The following SHROOM3 variants were observed in gnomAD, a reference collection of about 807,000 sequenced individuals.
SHROOM3 encodes the protein shroom family member 3, also known as protein Shroom3.
Under a neutral mutation model 138.6 loss-of-function variants are expected in SHROOM3, and 47 were observed. The ratio of observed to expected loss-of-function variants is 0.34; its 90% CI spans 0.27 to 0.43. The LOEUF is 0.43. Ranked by LOEUF, SHROOM3 falls within the 20% of genes least tolerant of loss-of-function variation. The pLI is 1.00. For synonymous variants in SHROOM3, 1,062 were observed against 1,063.3 expected (o/e 1.00, Z 0.02); for missense variants, 2,491 against 2,596.5 (o/e 0.96, Z 0.88).
At chr4:76,724,049 G>C (rs1029193811) in intron 3 of SHROOM3, among the ~76,000 whole-genome samples, 1 of 152,180 alleles carries the variant, frequency 6.6e-6, no homozygotes, top group African/African-American at 2.4e-5. Context: ...AGATTTCTCA[G>C]AAACTTGTTT....
intron 8 of SHROOM3, 23 bp from the exon 9 acceptor site, chr4:76,759,522 A>G: frequency 6.2e-7 from 1 of 1,613,846 alleles, no homozygotes; most frequent in South Asian, 1.1e-5. Flanking sequence ...GTGTGGCTAT[A>G]CTTTGTGCTC....
At chr4:76,570,056 T>C (rs1733804651) in intron 2 of SHROOM3, among the ~76,000 whole-genome samples, 1 of 152,112 alleles carries the variant, frequency 6.6e-6, no homozygotes, top group African/African-American at 2.4e-5. Context: ...AGTTCAAAAT[T>C]CAAATTTTCT....
At chr4:76,452,484 C>T (rs1443580831) in intron 1 of SHROOM3, among the ~76,000 whole-genome samples, 1 of 152,200 alleles carries the variant, frequency 6.6e-6, no homozygotes, top group Non-Finnish European at 1.5e-5. Flanking sequence ...TGGAATCATA[C>T]AATATTTGTT....
intron 2 of SHROOM3, among the ~76,000 whole-genome samples, chr4:76,682,285 AACAC>A (rs1009405065): frequency 1.3e-5 from 2 of 152,154 alleles, no homozygotes; most frequent in Non-Finnish European, 2.9e-5. Flanking sequence ...CTTGGCCCCA[AACAC>A]ACACACTCAA....
intron 2 of SHROOM3, among the ~76,000 whole-genome samples, chr4:76,670,693 C>T (rs1176214354): frequency 1.3e-5 from 2 of 152,170 alleles, no homozygotes. Context: ...GTGGCACATG[C>T]CTGTAATCCT....
chr4:76,717,411 T>A (rs1295016967), intron 3 of SHROOM3, among the ~76,000 whole-genome samples: 3 of 152,230 alleles, frequency 2.0e-5, no homozygotes, highest in Non-Finnish European at 4.4e-5. Flanking sequence ...TCTCAGTCAT[T>A]ATTGTTTCAA....
chr4:76,608,658 TAGCATAGCACAGCATAGCAC>T (rs879610832), intron 2 of SHROOM3, among the ~76,000 whole-genome samples: 8,290 of 38,788 alleles, frequency 0.21, 656 homozygotes, highest in Non-Finnish European at 0.36. Context: ...TAGCATAGCA[TAGCATAGCACAGCATAGCAC>T]AGCACAGCAC....
chr4:76,756,832 T>C lies in SHROOM3; in HGVS notation c.5093T>C (p.Leu1698Pro). 6.2e-7 allele frequency: 1 copy of C among 1,614,098 alleles called. No individual in the cohort carries two copies. The highest frequency in any genetic ancestry group is 8.5e-7 in the Non-Finnish European group (1 of 1,180,024). Residue 1698 changes from leucine (L) to proline (P), a missense_variant, in exon 8 of 11, where the codon CTG becomes CCG. Coordinates refer to ENST00000296043, the MANE Select transcript of SHROOM3 (RefSeq NM_020859.4). Reference protein sequence around the residue: ...PDSRLKTTMDLMEGLFPRDVN... With the variant: ...PDSRLKTTMDPMEGLFPRDVN... ...TCCAGGCTGAAGACAACAATGGACCTGATGGAAGGTTTGTTTCCCCGAGAT... is the reference window on the plus strand; with the variant it reads ...TCCAGGCTGAAGACAACAATGGACCCGATGGAAGGTTTGTTTCCCCGAGAT...
At chr4:76,689,529 CGGCGCGGT>C (rs1219021161) in intron 2 of SHROOM3, 18 of 983,840 alleles carry the variant, frequency 1.8e-5, no homozygotes, top group Admixed American at 6.2e-5. Context: ...GCTGTAGCCG[CGGCGCGGT>C]GGCGCGGTGG....
intron 2 of SHROOM3, among the ~76,000 whole-genome samples, chr4:76,580,449 T>C (rs932946088): frequency 1.5e-5 from 2 of 129,150 alleles, no homozygotes; most frequent in Middle Eastern, 3.7e-3. Flanking sequence ...GCAAGTTCTT[T>C]TTTTTTTTTT....
intron 3 of SHROOM3, among the ~76,000 whole-genome samples, chr4:76,722,325 G>C (rs960604333): frequency 6.6e-6 from 1 of 152,164 alleles, no homozygotes; most frequent in African/African-American, 2.4e-5. Context: ...ATACTATGCA[G>C]CCGTAAAAAA....
intron 2 of SHROOM3, among the ~76,000 whole-genome samples, chr4:76,583,608 T>C (rs1734092307): frequency 6.6e-6 from 1 of 152,216 alleles, no homozygotes; most frequent in Non-Finnish European, 1.5e-5. Context: ...GTTCAGAACA[T>C]GGGCTCTGTG....
intron 3 of SHROOM3, among the ~76,000 whole-genome samples, chr4:76,714,834 C>T (rs344121): frequency 1 from 152,206 of 152,334 alleles, 76,041 homozygotes; most frequent in Middle Eastern, 1. Context: ...AAGGACTCTT[C>T]CATATTTATT....
intron 1 of SHROOM3, among the ~76,000 whole-genome samples, chr4:76,464,158 C>T (rs1241035120): frequency 6.6e-6 from 1 of 152,210 alleles, no homozygotes; most frequent in East Asian, 1.9e-4. Flanking sequence ...CTGTGGGGGC[C>T]ATAACCTGCA....
chr4:76,567,804 C>T (rs1416151584), intron 2 of SHROOM3, among the ~76,000 whole-genome samples: 1 of 152,098 alleles, frequency 6.6e-6, no homozygotes, highest in Non-Finnish European at 1.5e-5. Flanking sequence ...TCTCAGGACA[C>T]ATTTTGTATG....
intron 2 of SHROOM3, among the ~76,000 whole-genome samples, chr4:76,566,928 C>T (rs569168389): frequency 1.9e-4 from 29 of 152,236 alleles, no homozygotes; most frequent in East Asian, 3.8e-4. Flanking sequence ...CTAAGACTAG[C>T]GTCTTTGTGC....
intron 2 of SHROOM3, among the ~76,000 whole-genome samples, chr4:76,593,253 G>A (rs1337514541): frequency 1.3e-5 from 2 of 152,176 alleles, no homozygotes; most frequent in East Asian, 3.9e-4. Context: ...AGGAGAGGCT[G>A]ATTAATCAAT....
chr4:76,737,556 A>G (rs1262094609), intron 4 of SHROOM3, among the ~76,000 whole-genome samples: 1 of 152,158 alleles, frequency 6.6e-6, no homozygotes, highest in African/African-American at 2.4e-5. Flanking sequence ...GCAATGAATG[A>G]GAGTTTCTCT....
chr4:76,553,708 C>A (rs980585358), intron 1 of SHROOM3, among the ~76,000 whole-genome samples: 1 of 152,056 alleles, frequency 6.6e-6, no homozygotes, highest in African/African-American at 2.4e-5. Context: ...GCAGGGTGGT[C>A]TTGGACTCCT....
Sources: gnomAD v4.1 joint callset for allele counts (sites outside exome capture counted in the v4.1 genomes callset) on GRCh38, gnomAD v4.1.1 for gene constraint, MANE v1.5 for transcripts, NCBI Gene and HGNC (gene_info 2026-07-23, HGNC 2026-07-21) for gene names.